PTPRT: variants seen among roughly 807,000 people sequenced by gnomAD.
PTPRT encodes protein tyrosine phosphatase receptor type T.
Under a neutral mutation model 176.8 loss-of-function variants are expected in PTPRT, and 56 were observed. The ratio of observed to expected loss-of-function variants is 0.32; its 90% CI spans 0.26 to 0.40. The LOEUF (loss-of-function observed/expected upper bound fraction) is 0.40. Ranked by LOEUF, PTPRT falls within the 10% of genes least tolerant of loss-of-function variation. PTPRT has a pLI of 1.00. For synonymous variants in PTPRT, 783 were observed against 739.0 expected, an observed-to-expected ratio of 1.06 and a Z score of -0.96; for missense variants, 1,540 against 1,908.2, an observed-to-expected ratio of 0.81 and a Z score of 3.60.
chr20:42,061,346 T>C, the PTPRT span, among the ~76,000 whole-genome samples: 61 of 152,264 alleles, frequency 4.0e-4, no homozygotes, highest in African/African-American at 1.4e-3. Context: ...ATGGGCCCAA[T>C]ATTATTAGAA....
chr20:42,397,305 T>G (rs1220065375), intron 9 of PTPRT, among the ~76,000 whole-genome samples: 4 of 152,250 alleles, frequency 2.6e-5, no homozygotes, highest in African/African-American at 7.2e-5. Context: ...AATTTTTTTG[T>G]CAACTTTTAT....
intron 1 of PTPRT, among the ~76,000 whole-genome samples, chr20:42,991,241 A>C (rs556199093): frequency 6.6e-6 from 1 of 152,270 alleles, no homozygotes; most frequent in Admixed American, 6.5e-5. Flanking sequence ...TGAAATAATC[A>C]TAGAGGCCAG....
At chr20:42,925,567 C>T (rs971313571) in intron 1 of PTPRT, among the ~76,000 whole-genome samples, 1 of 152,182 alleles carries the variant, frequency 6.6e-6, no homozygotes, top group African/African-American at 2.4e-5. Flanking sequence ...CCTGCCCACA[C>T]ACTACAAAAA....
chr20:42,389,520 G>C (rs2058779150), intron 9 of PTPRT, among the ~76,000 whole-genome samples: 1 of 152,076 alleles, frequency 6.6e-6, no homozygotes, highest in African/African-American at 2.4e-5. Context: ...TAGGTCATGA[G>C]GTGTCTATCC....
intron 1 of PTPRT, among the ~76,000 whole-genome samples, chr20:43,086,240 T>TGAA (rs994808661): frequency 1.3e-5 from 2 of 152,142 alleles, no homozygotes; most frequent in Admixed American, 1.3e-4. Flanking sequence ...CTCAGGCAAC[T>TGAA]GAAGTCCAAA....
chr20:43,044,653 G>A (rs571587097), intron 1 of PTPRT, among the ~76,000 whole-genome samples: 9 of 152,226 alleles, frequency 5.9e-5, no homozygotes, highest in East Asian at 3.9e-4. Context: ...CCTGTAAAAC[G>A]GGGACACTGA....
chr20:42,915,540 C>T (rs1978686100), intron 1 of PTPRT, among the ~76,000 whole-genome samples: 1 of 152,200 alleles, frequency 6.6e-6, no homozygotes, highest in African/African-American at 2.4e-5. Flanking sequence ...GAGGCAGCCA[C>T]CTTAAGAGTA....
intron 7 of PTPRT, among the ~76,000 whole-genome samples, chr20:42,621,641 G>A (rs1268607235): frequency 1.3e-5 from 2 of 152,110 alleles, no homozygotes; most frequent in East Asian, 1.9e-4. Flanking sequence ...GATTTGCTGT[G>A]CTGGCCACTC....
intron 1 of PTPRT, among the ~76,000 whole-genome samples, chr20:43,017,133 C>T (rs1985409314): frequency 6.6e-6 from 1 of 152,226 alleles, no homozygotes; most frequent in African/African-American, 2.4e-5. Flanking sequence ...GATCTGTCCA[C>T]CACTCTACTC....
At chr20:42,746,084 C>A (rs768762512) in intron 6 of PTPRT, among the ~76,000 whole-genome samples, 1 of 152,118 alleles carries the variant, frequency 6.6e-6, no homozygotes, top group Non-Finnish European at 1.5e-5. Context: ...TTTCCAAATG[C>A]GTTAAAAGTG....
At chr20:42,101,940 G>C (rs981265655) in intron 26 of PTPRT, among the ~76,000 whole-genome samples, 184 bp downstream of exon 26, 1 of 152,198 alleles carries the variant, frequency 6.6e-6, no homozygotes, top group African/African-American at 2.4e-5. Flanking sequence ...GGAGCCAAGA[G>C]CCCACCTTGT....
chr20:42,536,019 G>C (rs577609041), intron 7 of PTPRT, among the ~76,000 whole-genome samples: 2 of 152,174 alleles, frequency 1.3e-5, no homozygotes, highest in East Asian at 3.9e-4. Context: ...CGGCTAGTCT[G>C]GTTATTCCTC....
In PTPRT at chr20:42,315,947, C is replaced by T. The variant is rs1054630078; in HGVS notation, c.1915G>A (p.Ala639Thr). The part of the protein sequence containing the change: ...KEERLQKSRR[A>T]ADIIECFSVP... ...GAAAAGCACTCAATAATGTCAGCTG[C>T]CCTCCGTGACTTCTGAAGTCGCTCC... Residue 639 changes from alanine to threonine, a missense_variant, in exon 12 of 31, where the codon GCA (alanine) becomes ACA (threonine). Physicochemically the swap from Ala to Thr is moderately conservative, Grantham distance 58. Around this residue, in one of 11 missense-constraint regions of PTPRT, gnomAD observed 81 missense variants for 89.9 expected, o/e 0.90. Transcript: ENST00000373187. The T allele has an allele frequency of 2.5e-6, 4 of 1,613,960 alleles. No homozygotes were observed. Among genetic ancestry groups the T allele is most frequent in the Admixed American group, 1.7e-5 (1 of 59,996 alleles).
rs983511568 is a variant in PTPRT at position 42,282,658 on chromosome 20, C to A, written c.2140-133G>T. The A allele has an allele frequency of 1.7e-5, 12 of 726,316 alleles. No homozygotes were observed. In the South Asian group the frequency reaches 2.7e-4, roughly 17 times the overall value. The allele number at this position is 726,316 out of a possible 1,614,324, so 45.0% of individuals were successfully genotyped here. On this transcript the variant is annotated intron_variant, in intron 12 of 30. Transcript: ENST00000373187. The stretch of plus-strand genomic sequence containing the variant: ...ATTTTTAATTATAATTTTAAATTTG[C>A]CCTTTCCATTTTTTTCCCCATCGGA...
At chr20:42,738,163 T>TTA (rs2076564625) in intron 6 of PTPRT, among the ~76,000 whole-genome samples, 1 of 152,150 alleles carries the variant, frequency 6.6e-6, no homozygotes, top group Non-Finnish European at 1.5e-5. Context: ...AGCCGTAAAA[T>TTA]TATAAACAAG....
chr20:42,050,773 A>G, the PTPRT span, among the ~76,000 whole-genome samples: 2 of 152,180 alleles, frequency 1.3e-5, no homozygotes, highest in Admixed American at 1.3e-4. Context: ...GTGAAGTTGG[A>G]GGCTGACTCG....
At chr20:43,115,631 C>T (rs1007485477) in intron 1 of PTPRT, among the ~76,000 whole-genome samples, 4 of 152,130 alleles carry the variant, frequency 2.6e-5, no homozygotes, top group African/African-American at 9.7e-5. Context: ...CTAAACATCC[C>T]ACAGTACACA....
intron 1 of PTPRT, among the ~76,000 whole-genome samples, chr20:43,135,381 A>G (rs1346907959): frequency 6.6e-6 from 1 of 152,160 alleles, no homozygotes; most frequent in African/African-American, 2.4e-5. Context: ...GTATGTGGGG[A>G]AAAAAAGGAA....
chr20:42,409,481 CAAAAAA>C (rs58932390), intron 9 of PTPRT, among the ~76,000 whole-genome samples: 32 of 112,058 alleles, frequency 2.9e-4, no homozygotes, highest in African/African-American at 6.9e-4. Flanking sequence ...GACTCTGTCG[CAAAAAA>C]AAAAAAAAAA....
Sources: allele counts gnomAD v4.1 joint callset (sites outside exome capture counted in the v4.1 genomes callset), GRCh38; gene constraint gnomAD v4.1.1; regional missense constraint gnomAD v4.1.1; transcripts MANE v1.5; gene names NCBI Gene and HGNC (gene_info 2026-07-23, HGNC 2026-07-21).